FAR2: variants seen among roughly 807,000 people sequenced by gnomAD.
The protein encoded by FAR2 is fatty acyl-CoA reductase 2, also known as epididymis secretory protein Li 81.
FAR2 carries 19 observed loss-of-function variants against 56.0 expected under a neutral mutation model. That is an observed-to-expected ratio of 0.34 (90% CI 0.24 to 0.50). The LOEUF is 0.50. FAR2 is among the 20% of genes least tolerant of loss of function. FAR2 has a pLI of 0.98. For synonymous variants in FAR2, 219 were observed against 218.8 expected, an observed-to-expected ratio of 1.00 and a Z score of -0.01; for missense variants, 508 against 642.2, an observed-to-expected ratio of 0.79 and a Z score of 2.26.
chr12:29,295,738 C>T (rs563393242), intron 3 of FAR2, among the ~76,000 whole-genome samples: 1 of 146,980 alleles, frequency 6.8e-6, no homozygotes, highest in Non-Finnish European at 1.5e-5. Context: ...ATACAAGCAG[C>T]TAGTGATTTT....
At chr12:29,195,308 T>C (rs1323485177) in intron 1 of FAR2, among the ~76,000 whole-genome samples, 1 of 152,218 alleles carries the variant, frequency 6.6e-6, no homozygotes, top group Non-Finnish European at 1.5e-5. Context: ...CTATCTACCA[T>C]CTACAATTAC....
chr12:29,327,242 T>G (rs962488118), intron 10 of FAR2, among the ~76,000 whole-genome samples: 23 of 152,130 alleles, frequency 1.5e-4, no homozygotes, highest in African/African-American at 5.3e-4. Flanking sequence ...CACTGCTCAA[T>G]GAAATAAAAG....
intron 9 of FAR2, 141 bp from the exon 10 acceptor site, chr12:29,321,653 AG>A (rs1949553533): frequency 1.2e-5 from 11 of 930,514 alleles, no homozygotes; most frequent in Non-Finnish European, 1.7e-5. Context: ...ATGTGGAAGG[AG>A]AAAAAAGAAG....
At chr12:29,296,662 A>G (rs758201637) in intron 3 of FAR2, among the ~76,000 whole-genome samples, 1 of 152,046 alleles carries the variant, frequency 6.6e-6, no homozygotes, top group Admixed American at 6.6e-5. Flanking sequence ...ACATTTTCCA[A>G]CTTCTTCAGT....
chr12:29,172,378 TA>T (rs1240162815), intron 1 of FAR2, among the ~76,000 whole-genome samples: 1 of 152,204 alleles, frequency 6.6e-6, no homozygotes, highest in Non-Finnish European at 1.5e-5. Flanking sequence ...ACTTTTTAAT[TA>T]AAAGTTTAAA....
intron 1 of FAR2, among the ~76,000 whole-genome samples, chr12:29,230,633 C>A (rs752537472): frequency 1.3e-5 from 2 of 151,808 alleles, no homozygotes; most frequent in African/African-American, 4.8e-5. Context: ...TGGTTTGGAC[C>A]AGTTTGGTAC....
intron 4 of FAR2, among the ~76,000 whole-genome samples, chr12:29,298,317 A>ATTT (rs1949105048): frequency 6.6e-6 from 1 of 150,592 alleles, no homozygotes; most frequent in African/African-American, 2.4e-5. Context: ...GTAAAAAACT[A>ATTT]TATAAAAAGT....
intron 1 of FAR2, among the ~76,000 whole-genome samples, chr12:29,180,141 C>T (rs1489294118): frequency 6.6e-6 from 1 of 152,134 alleles, no homozygotes; most frequent in Admixed American, 6.5e-5. Flanking sequence ...CTCACTCACT[C>T]TTACCAGCAG....
chr12:29,157,780 G>A (rs1359622586), intron 1 of FAR2, among the ~76,000 whole-genome samples: 1 of 152,164 alleles, frequency 6.6e-6, no homozygotes, highest in Non-Finnish European at 1.5e-5. Flanking sequence ...TTGGAAATTA[G>A]GATGGCAATT....
At chr12:29,181,821 GAATATCC>G (rs1315488105) in intron 1 of FAR2, among the ~76,000 whole-genome samples, 1 of 152,116 alleles carries the variant, frequency 6.6e-6, no homozygotes, top group East Asian at 1.9e-4. Context: ...GAATATTCAA[GAATATCC>G]CATCTTAAAA....
chr12:29,277,646 A>G (rs1425470477), intron 2 of FAR2: 5 of 152,210 alleles, frequency 3.3e-5, no homozygotes, highest in African/African-American at 1.2e-4. Context: ...CTTTAAAATT[A>G]TCTGCCGGAA....
chr12:29,194,483 C>G lies in FAR2; in HGVS notation c.-39+45076C>G, dbSNP rs546788816. Among the ~76,000 whole-genome samples, 175 of 149,968 alleles carry G rather than the reference C, an allele frequency of 1.2e-3. 1 individual carries two copies. The highest frequency in any genetic ancestry group is 4.2e-3 in the African/African-American group (171 of 41,098). ...TAGTCCATAAAGTTGGAACAGACCT[C>G]CATCCAAAATTTGATTTAGGTTTCC... On this transcript the variant is annotated intron_variant, in intron 1 of 11. Coordinates refer to ENST00000536681, the MANE Select transcript of FAR2 (RefSeq NM_001271783.2).
At chr12:29,304,488 A>G (rs980837671) in intron 4 of FAR2, among the ~76,000 whole-genome samples, 10 of 152,350 alleles carry the variant, frequency 6.6e-5, no homozygotes, top group African/African-American at 2.2e-4. Context: ...GAGAGCAAAC[A>G]TTATCATAAG....
intron 2 of FAR2, 75 bp downstream of exon 2, chr12:29,270,713 G>A: frequency 7.6e-7 from 1 of 1,311,476 alleles, no homozygotes; most frequent in South Asian, 2.0e-5. Flanking sequence ...TTCTCTTATA[G>A]TCTCATATTG....
chr12:29,194,839 G>A (rs1036361259), intron 1 of FAR2, among the ~76,000 whole-genome samples: 1 of 152,144 alleles, frequency 6.6e-6, no homozygotes, highest in African/African-American at 2.4e-5. Context: ...CTGAAAAGAT[G>A]TCTGCAGTCA....
chr12:29,153,052 A>T (rs1405557500), intron 1 of FAR2, among the ~76,000 whole-genome samples: 1 of 152,252 alleles, frequency 6.6e-6, no homozygotes, highest in Non-Finnish European at 1.5e-5. Context: ...AGCTAGCTTC[A>T]TTCATGTAAT....
At chr12:29,227,375 C>T (rs958566494) in intron 1 of FAR2, among the ~76,000 whole-genome samples, 1 of 152,118 alleles carries the variant, frequency 6.6e-6, no homozygotes, top group African/African-American at 2.4e-5. Flanking sequence ...ATGGTTCATC[C>T]CCTATTCCTG....
intron 1 of FAR2, among the ~76,000 whole-genome samples, chr12:29,257,605 C>T (rs981386046): frequency 3.9e-5 from 6 of 152,148 alleles, no homozygotes; most frequent in Non-Finnish European, 8.8e-5. Context: ...CGAAGGTCTG[C>T]AGCTTCACTC....
At chr12:29,297,557 A>C (rs1018017388) in intron 4 of FAR2, among the ~76,000 whole-genome samples, 3 of 152,214 alleles carry the variant, frequency 2.0e-5, no homozygotes, top group Non-Finnish European at 2.9e-5. Flanking sequence ...TGTCTGATTC[A>C]GACTGACGTG....
Sources: gnomAD v4.1 joint callset for allele counts (sites outside exome capture counted in the v4.1 genomes callset) on GRCh38, gnomAD v4.1.1 for gene constraint, MANE v1.5 for transcripts, NCBI Gene and HGNC (gene_info 2026-07-23, HGNC 2026-07-21) for gene names.